The following CHD8 variants were observed in gnomAD, a reference collection of about 807,000 sequenced individuals.
CHD8 encodes chromodomain helicase DNA binding protein 8.
In CHD8, 31 loss-of-function variants were observed where a neutral mutation model predicts 279.2. The ratio of observed to expected loss-of-function variants is 0.11; its 90% CI spans 0.08 to 0.15. The LOEUF (loss-of-function observed/expected upper bound fraction) is 0.15, where lower values mean the gene tolerates loss of function less well. Ranked by LOEUF, CHD8 falls within the 10% of genes least tolerant of loss-of-function variation. The pLI, the probability that CHD8 is intolerant of heterozygous loss-of-function variation, is 1.00. For missense variants in CHD8, 2,146 were observed against 3,230.5 expected (o/e 0.66, Z 8.14); for synonymous variants, 1,081 against 1,139.6 (o/e 0.95, Z 1.04).
intron 5 of CHD8, among the ~76,000 whole-genome samples, chr14:21,420,934 G>C (rs1004229425): frequency 2.6e-5 from 4 of 152,036 alleles, no homozygotes; most frequent in Admixed American, 2.6e-4. Flanking sequence ...AGCTAATTTT[G>C]TATTTTTAGT....
At chr14:21,415,663 A>T (rs1023900443) in intron 6 of CHD8, 21 bp from the exon 7 acceptor site, 2 of 1,611,120 alleles carry the variant, frequency 1.2e-6, no homozygotes, top group Non-Finnish European at 1.7e-6. Context: ...AGATGCAGTC[A>T]GTCAACAGAT....
chr14:21,443,368 G>A (rs1483903617), intron 1 of CHD8, among the ~76,000 whole-genome samples: 1 of 152,020 alleles, frequency 6.6e-6, no homozygotes, highest in Non-Finnish European at 1.5e-5. Flanking sequence ...TCCAGCCTGG[G>A]TGACAGACTG....
rs565133430 is a variant in CHD8 at position 21,401,418 on chromosome 14, A to G, written c.4158T>C (p.Asp1386=). ...AGAAACTCACCTTGCTGTTGAGCAG[A>G]TCCATGTCTAGGTCAGCCTTTTTGG... The part of the protein sequence containing the change: ...KWAKKADLDM[D]LLNSKNNLVI... The change falls in exon 21 of 38, where the codon GAT becomes GAC. Residue 1386 remains aspartate, a synonymous_variant. Transcript: ENST00000646647. 8.2e-6 allele frequency: 13 copies of G among 1,593,552 alleles called. No individual in the cohort carries two copies. In the Admixed American group the frequency reaches 1.2e-4, roughly 15 times the overall value.
At chr14:21,437,382 T>C (rs1429024020) in intron 1 of CHD8, 1 of 482,522 alleles carries the variant, frequency 2.1e-6, no homozygotes, top group Non-Finnish European at 2.8e-6. Flanking sequence ...GGAGCTCCCT[T>C]CCCCCTCCCC....
rs764248941 is a variant in CHD8, at chr14:21,407,015, G to A, written c.2748C>T (p.Gly916=). Residue 916 remains glycine, a synonymous_variant, in exon 14 of 38, where the codon GGC becomes GGT. Transcript: ENST00000646647. ...TGATCAGAGCGTCAAACTTGTATGC[G>A]CCTGGGATGAGGCGTCCCTAAGCAT... ...CKDSRGRLIP[G]AYKFDALITT... 2.5e-5 allele frequency: 39 copies of A among 1,587,190 alleles called. No homozygotes were observed. The East Asian group carries it at 5.5e-4, about 22-fold the overall frequency.
chr14:21,399,957 C>T, intron 25 of CHD8, 24 bp downstream of exon 25: 2 of 1,596,056 alleles, frequency 1.3e-6, no homozygotes, highest in Non-Finnish European at 1.7e-6. Flanking sequence ...GGGCATAAAT[C>T]AAAAAAATAT....
At chr14:21,426,313 T>G in intron 4 of CHD8, 71 bp from the exon 5 acceptor site, 3 of 761,002 alleles carry the variant, frequency 3.9e-6, no homozygotes, top group Non-Finnish European at 4.4e-6. Context: ...ACATAATTAA[T>G]CTAAACCATC....
At chr14:21,429,361 G>C in intron 2 of CHD8, 26 bp from the exon 3 acceptor site, 1 of 1,601,554 alleles carries the variant, frequency 6.2e-7, no homozygotes. Flanking sequence ...GAAATTGCAA[G>C]AGTACAACAT....
intron 2 of CHD8, chr14:21,429,586 G>C: frequency 1.7e-6 from 1 of 597,472 alleles, no homozygotes; most frequent in South Asian, 1.6e-5. Flanking sequence ...TGATCAGCAA[G>C]GGAGTGCTGC....
intron 1 of CHD8, among the ~76,000 whole-genome samples, chr14:21,447,454 C>A (rs1317056114): frequency 6.6e-6 from 1 of 151,802 alleles, no homozygotes; most frequent in Non-Finnish European, 1.5e-5. Context: ...TCACTGCAAC[C>A]TCCTCCTCCA....
chr14:21,426,306 T>A (rs916791761), intron 4 of CHD8, 64 bp from the exon 5 acceptor site: 1 of 810,078 alleles, frequency 1.2e-6, no homozygotes, highest in Non-Finnish European at 2.0e-6. Flanking sequence ...TAAAAAAACA[T>A]AATTAATCTA....
intron 1 of CHD8, among the ~76,000 whole-genome samples, chr14:21,434,933 CAACCATCTCATGAATTCTCTT>C (rs1889717754): frequency 6.6e-6 from 1 of 152,180 alleles, no homozygotes; most frequent in Non-Finnish European, 1.5e-5. Context: ...TGAATCCTCT[CAACCATCTCATGAATTCTCTT>C]TCCTTGATTC....
chr14:21,447,992 A>G (rs919098817), intron 1 of CHD8, among the ~76,000 whole-genome samples: 13 of 152,218 alleles, frequency 8.5e-5, no homozygotes, highest in African/African-American at 3.1e-4. Flanking sequence ...AACAATGTAT[A>G]TTAATTTAGG....
chr14:21,454,475 G>A (rs944341276), intron 1 of CHD8, among the ~76,000 whole-genome samples: 1 of 152,082 alleles, frequency 6.6e-6, no homozygotes, highest in Non-Finnish European at 1.5e-5. Context: ...GCGTCACCAT[G>A]CCCGGCTAAT....
At position 21,397,961 on chromosome 14, in the gene CHD8, A is replaced by G; in HGVS notation, c.4922-9T>C. ...ATTATATTTCTCATAGCCTAGAAGA[A>G]AAAGGGTCATAGTTGAAGAAAATGA... On this transcript the variant is annotated splice_polypyrimidine_tract_variant and intron_variant, in intron 26 of 37. Coordinates refer to ENST00000646647, the MANE Select transcript of CHD8 (RefSeq NM_001170629.2). The G allele has an allele frequency of 3.7e-6, 6 of 1,601,254 alleles. No individual in the cohort carries two copies. Among genetic ancestry groups the G allele is most frequent in the Non-Finnish European group, 4.3e-6 (5 of 1,172,984 alleles).
In CHD8 at chr14:21,399,992, A is replaced by G; in HGVS notation, c.4806T>C (p.Gly1602=). 1 of 1,612,784 alleles carries G rather than the reference A, an allele frequency of 6.2e-7. No individual in the cohort carries two copies. Among genetic ancestry groups the G allele is most frequent in the African/African-American group, 1.3e-5 (1 of 74,916 alleles). ...IGDQAEKVLG[G]AIASEIDIWF... is the part of the protein sequence containing the mutation. ...TAGCAGAATTTTACCTGGCAATCGC[A>G]CCCCCTAACACCTTTTCTGCTTGGT... The change falls in exon 25 of 38, where the codon GGT becomes GGC. Residue 1602 remains glycine, a synonymous_variant. Transcript: ENST00000646647.
chr14:21,414,203 A>G (rs1888624562), intron 9 of CHD8, 98 bp downstream of exon 9: 2 of 701,696 alleles, frequency 2.9e-6, no homozygotes, highest in Admixed American at 2.3e-5. Context: ...ATATATAGAA[A>G]CCAATTACAA....
intron 1 of CHD8, among the ~76,000 whole-genome samples, chr14:21,440,713 T>G (rs1889935973): frequency 6.6e-6 from 1 of 151,932 alleles, no homozygotes; most frequent in East Asian, 1.9e-4. Flanking sequence ...AGGAACTGGA[T>G]AGAGATGAAG....
chr14:21,450,295 T>G (rs1890226332), intron 1 of CHD8, among the ~76,000 whole-genome samples: 1 of 152,144 alleles, frequency 6.6e-6, no homozygotes, highest in Non-Finnish European at 1.5e-5. Context: ...AAATCACTGG[T>G]TTCTTCCAGA....
Sources: gnomAD v4.1 joint callset for allele counts (sites outside exome capture counted in the v4.1 genomes callset) on GRCh38, gnomAD v4.1.1 for gene constraint, MANE v1.5 for transcripts, NCBI Gene and HGNC (gene_info 2026-07-23, HGNC 2026-07-21) for gene names.